RNFT2: variants seen among roughly 807,000 people sequenced by gnomAD.
RNFT2 encodes the protein ring finger protein, transmembrane 2.
In RNFT2, 36 loss-of-function variants were observed where a neutral mutation model predicts 53.0. The ratio of observed to expected loss-of-function variants is 0.68; its 90% confidence interval spans 0.52 to 0.90. The LOEUF is 0.90. Among genes scored for constraint, RNFT2 ranks in the 40% least tolerant of loss-of-function variants. The probability of loss-of-function intolerance (pLI) is 0.00; values close to 1 mark genes in which losing one functional copy is unlikely to be tolerated. For missense variants in RNFT2, 514 were observed against 585.6 expected, an observed-to-expected ratio of 0.88 and a Z score of 1.26; for synonymous variants, 260 against 253.2, an observed-to-expected ratio of 1.03 and a Z score of -0.26.
chr12:116,743,202 C>A, intron 3 of RNFT2, among the ~76,000 whole-genome samples: 1 of 40,988 alleles, frequency 2.4e-5, no homozygotes, highest in Admixed American at 4.3e-4. Flanking sequence ...TAATAGATAC[C>A]AGGTAGAATC....
In RNFT2 at chr12:116,765,016, C is replaced by T. The variant is rs182940427; in HGVS notation, c.628-1798C>T. 2.0e-3 allele frequency among the ~76,000 whole-genome samples: 298 copies of T among 152,292 alleles called. 1 individual carries two copies. The highest frequency in any genetic ancestry group is 5.4e-3 in the African/African-American group (226 of 41,560). On this transcript the variant is annotated intron_variant, in intron 5 of 10. Coordinates refer to ENST00000257575, the MANE Select transcript of RNFT2 (RefSeq NM_001382266.1). ...CTGAGAGGATCTCTGTATCCATGGA[C>T]GGGCCTCCAGGGGTCCTTGATGCTC...
intron 10 of RNFT2, among the ~76,000 whole-genome samples, chr12:116,847,366 G>A (rs1877670499): frequency 6.6e-6 from 1 of 152,120 alleles, no homozygotes; most frequent in Non-Finnish European, 1.5e-5. Context: ...TCATAGCTAA[G>A]TACTTTTAAC....
chr12:116,805,259 G>A (rs1874990717), intron 7 of RNFT2, among the ~76,000 whole-genome samples: 1 of 151,868 alleles, frequency 6.6e-6, no homozygotes, highest in Admixed American at 6.6e-5. Context: ...GTAATAGCGG[G>A]CAGTTCTCTC....
At chr12:116,763,996 T>C (rs935681956) in intron 5 of RNFT2, among the ~76,000 whole-genome samples, 6 of 152,142 alleles carry the variant, frequency 3.9e-5, no homozygotes, top group Non-Finnish European at 8.8e-5. Context: ...CTGGTATATG[T>C]ATATGATGGA....
chr12:116,817,076 G>A (rs1410558419), intron 7 of RNFT2, among the ~76,000 whole-genome samples: 1 of 152,112 alleles, frequency 6.6e-6, no homozygotes, highest in African/African-American at 2.4e-5. Flanking sequence ...ACAGTGGTGC[G>A]ATCGCAGCTC....
chr12:116,827,786 G>A (rs574235518), intron 7 of RNFT2, among the ~76,000 whole-genome samples: 1 of 152,336 alleles, frequency 6.6e-6, no homozygotes, highest in Non-Finnish European at 1.5e-5. Context: ...CCAATAGCAA[G>A]TGGGAAGTTT....
chr12:116,798,171 G>A (rs1874596017), intron 7 of RNFT2, among the ~76,000 whole-genome samples: 1 of 151,418 alleles, frequency 6.6e-6, no homozygotes, highest in Non-Finnish European at 1.5e-5. Context: ...AGAGAAAATA[G>A]CCACCTACAA....
At chr12:116,823,204 G>C (rs1168193856) in intron 7 of RNFT2, among the ~76,000 whole-genome samples, 1 of 152,164 alleles carries the variant, frequency 6.6e-6, no homozygotes, top group Admixed American at 6.5e-5. Flanking sequence ...GACACCAGTA[G>C]TTGTTTTAAC....
intron 7 of RNFT2, among the ~76,000 whole-genome samples, chr12:116,824,092 G>A (rs1356108669): frequency 3.3e-5 from 5 of 152,108 alleles, no homozygotes; most frequent in Non-Finnish European, 7.4e-5. Context: ...CCAGGGCCAC[G>A]TTTCTTTCCC....
chr12:116,769,849 T>C (rs1193411717), intron 6 of RNFT2, among the ~76,000 whole-genome samples: 1 of 152,030 alleles, frequency 6.6e-6, no homozygotes, highest in Non-Finnish European at 1.5e-5. Context: ...CTGACCAACA[T>C]GGTGAAACCC....
At chr12:116,763,176 G>GA (rs67556946) in intron 5 of RNFT2, among the ~76,000 whole-genome samples, 11 of 147,336 alleles carry the variant, frequency 7.5e-5, no homozygotes, top group South Asian at 2.1e-4. Flanking sequence ...TGTGCTTTCA[G>GA]AAAAAAAAAA....
At chr12:116,750,466 C>T (rs1204498790) in intron 4 of RNFT2, among the ~76,000 whole-genome samples, 159 bp downstream of exon 4, 1 of 152,158 alleles carries the variant, frequency 6.6e-6, no homozygotes, top group Non-Finnish European at 1.5e-5. Context: ...GGGTTCAAAT[C>T]CTGGCCGACT....
intron 7 of RNFT2, among the ~76,000 whole-genome samples, chr12:116,789,983 G>GATGGATGA (rs1874159869): frequency 6.6e-6 from 1 of 152,046 alleles, no homozygotes; most frequent in Non-Finnish European, 1.5e-5. Flanking sequence ...TGGATGGATG[G>GATGGATGA]ATGGATGGAT....
At chr12:116,841,044 T>C (rs1877223789) in intron 10 of RNFT2, among the ~76,000 whole-genome samples, 1 of 152,208 alleles carries the variant, frequency 6.6e-6, no homozygotes, top group Admixed American at 6.5e-5. Context: ...GGGTTTTCAC[T>C]ACAAAGTCAG....
At chr12:116,763,998 T>C (rs574535702) in intron 5 of RNFT2, among the ~76,000 whole-genome samples, 4 of 152,264 alleles carry the variant, frequency 2.6e-5, no homozygotes, top group African/African-American at 9.6e-5. Flanking sequence ...GGTATATGTA[T>C]ATGATGGAAT....
At chr12:116,844,556 C>T (rs187228200) in intron 10 of RNFT2, among the ~76,000 whole-genome samples, 2 of 152,160 alleles carry the variant, frequency 1.3e-5, no homozygotes, top group Admixed American at 1.3e-4. Context: ...AATATGTCTC[C>T]GTTTCTATTT....
At chr12:116,749,792 C>G (rs1485143740) in intron 3 of RNFT2, 49 bp from the exon 4 acceptor site, 1 of 1,514,070 alleles carries the variant, frequency 6.6e-7, no homozygotes, top group African/African-American at 1.4e-5. Context: ...GGAGTAAGGT[C>G]TTTTCCATCT....
chr12:116,797,347 G>A (rs1350476637), intron 7 of RNFT2, among the ~76,000 whole-genome samples: 1 of 152,094 alleles, frequency 6.6e-6, no homozygotes, highest in Non-Finnish European at 1.5e-5. Flanking sequence ...ATCACTTGAG[G>A]TCAGAAGTTC....
At chr12:116,785,354 G>A (rs1358954104) in intron 7 of RNFT2, among the ~76,000 whole-genome samples, 1 of 151,396 alleles carries the variant, frequency 6.6e-6, no homozygotes, top group African/African-American at 2.4e-5. Flanking sequence ...GTACAGAGGC[G>A]CAATCACAGT....
Sources: allele counts gnomAD v4.1 joint callset (sites outside exome capture counted in the v4.1 genomes callset), GRCh38; gene constraint gnomAD v4.1.1; transcripts MANE v1.5; gene names NCBI Gene and HGNC (gene_info 2026-07-23, HGNC 2026-07-21).